The following SCYL3 variants were observed in gnomAD, a reference collection of about 807,000 sequenced individuals.
SCYL3 encodes the protein SCY1 like pseudokinase 3.
SCYL3 carries 35 observed loss-of-function variants against 73.8 expected under a neutral mutation model. The ratio of observed to expected loss-of-function variants is 0.47; its 90% confidence interval spans 0.36 to 0.63. The LOEUF (loss-of-function observed/expected upper bound fraction) is 0.63, where lower values mean the gene tolerates loss of function less well. SCYL3 is among the 20% of genes least tolerant of loss of function. SCYL3 has a pLI of 0.00. For synonymous variants in SCYL3, 277 were observed against 295.2 expected (o/e 0.94, Z 0.63); for missense variants, 712 against 798.9 (o/e 0.89, Z 1.31).
rs1452655764 is a variant in SCYL3 at position 169,850,270 on chromosome 1, A to C, written c.*3443T>G. 12 of 1,605,628 alleles carry C rather than the reference A, an allele frequency of 7.5e-6. No homozygotes were observed. Among genetic ancestry groups the C allele is most frequent in the Non-Finnish European group, 9.4e-6 (11 of 1,173,888 alleles). ...GTTCATCAATTTTTTAATAGGGAAC[A>C]AATCATGAAGAGATAGTTCCACAGT... is the stretch of plus-strand genomic sequence containing the variant. On this transcript the variant is annotated 3_prime_UTR_variant, in exon 13 of 13. Coordinates refer to ENST00000367771, the MANE Select transcript of SCYL3 (RefSeq NM_020423.7).
intron 6 of SCYL3, 52 bp downstream of exon 6, chr1:169,870,203 T>C (rs1353362176): frequency 6.3e-6 from 8 of 1,276,210 alleles, no homozygotes; most frequent in Non-Finnish European, 1.1e-6. Flanking sequence ...GAATACGTCA[T>C]GGATGATTTT....
intron 8 of SCYL3, among the ~76,000 whole-genome samples, chr1:169,866,135 A>C (rs942926211): frequency 6.6e-6 from 1 of 152,252 alleles, no homozygotes; most frequent in African/African-American, 2.4e-5. Context: ...CACTGAAGTC[A>C]TAATTTTCCC....
At position 169,853,079 on chromosome 1, in the gene SCYL3, T is replaced by TAA. The variant is rs1428162771; in HGVS notation, c.*632_*633dup. On this transcript the variant is annotated 3_prime_UTR_variant, in exon 13 of 13. Transcript: ENST00000367771. ...TCTAACAGATATAAAACAAATTTTG[T>TAA]AAAGTTGAATCTAGTGAAAATAATC... 1 of 1,203,706 alleles carries TAA rather than the reference T, an allele frequency of 8.3e-7. No individual in the cohort carries two copies. Among genetic ancestry groups the TAA allele is most frequent in the Non-Finnish European group, 1.2e-6 (1 of 837,432 alleles). 74.6% of individuals were successfully genotyped at this position (1,203,706 alleles called of 1,614,324 possible). A position where few individuals can be genotyped will look rare whatever the true frequency, so the allele number is the denominator to read the frequency against.
At chr1:169,864,601 TCTATCAAAG>T in intron 8 of SCYL3, 93 bp from the exon 9 acceptor site, 4 of 1,249,724 alleles carry the variant, frequency 3.2e-6, no homozygotes, top group Admixed American at 2.7e-5. Flanking sequence ...CTCTCTCACT[TCTATCAAAG>T]TGATGCATTT....
chr1:169,875,802 C>T (rs188320237), intron 4 of SCYL3, among the ~76,000 whole-genome samples, 176 bp downstream of exon 4: 52 of 152,296 alleles, frequency 3.4e-4, no homozygotes, highest in Admixed American at 9.8e-4. Context: ...GATACATGAC[C>T]CCCACTGCCT....
intron 7 of SCYL3, among the ~76,000 whole-genome samples, chr1:169,867,531 GTA>G (rs920259800): frequency 1.3e-5 from 2 of 152,166 alleles, no homozygotes; most frequent in African/African-American, 4.8e-5. Context: ...ACACCCTACT[GTA>G]TATGAGACTG....
intron 10 of SCYL3, among the ~76,000 whole-genome samples, chr1:169,860,316 G>A (rs576005819): frequency 2.0e-5 from 3 of 152,328 alleles, no homozygotes; most frequent in South Asian, 2.1e-4. Context: ...CACCTTAGAA[G>A]ACAGTCACAT....
intron 3 of SCYL3, 38 bp from the exon 4 acceptor site, chr1:169,876,129 C>G: frequency 8.3e-7 from 1 of 1,202,576 alleles, no homozygotes; most frequent in Non-Finnish European, 1.2e-6. Flanking sequence ...AGTGCCACTC[C>G]AGGATCTGAA....
chr1:169,883,372 G>A (rs73026223), intron 2 of SCYL3, among the ~76,000 whole-genome samples: 39,700 of 152,128 alleles, frequency 0.26, 5,623 homozygotes, highest in Middle Eastern at 0.37. Flanking sequence ...TGCAGCCTAG[G>A]GGTTGGGGAC....
chr1:169,877,918 A>G (rs1003221188), intron 3 of SCYL3, among the ~76,000 whole-genome samples: 1 of 152,258 alleles, frequency 6.6e-6, no homozygotes, highest in African/African-American at 2.4e-5. Flanking sequence ...AAATTTAAAA[A>G]CATACATAAA....
chr1:169,875,939 A>C (rs1029279557), intron 4 of SCYL3, 39 bp downstream of exon 4: 1 of 1,403,122 alleles, frequency 7.1e-7, no homozygotes, highest in Non-Finnish European at 9.9e-7. Context: ...AGACGCTATT[A>C]AAAACCAAGT....
Position 169,869,064 on chromosome 1 carries a change from T to G in SCYL3, c.626-25A>C, listed in dbSNP as rs376501714. The G allele has an allele frequency of 1.3e-5, 20 of 1,567,400 alleles. No homozygotes were observed. The African/African-American group carries it at 2.4e-4, about 19-fold the overall frequency. ...ACTGAAATCCAGAGCTACAGTTAGT[T>G]TCCAATGCCTTCTCCCTCTTTTCAG... On this transcript the variant is annotated intron_variant, in intron 6 of 12. Coordinates refer to ENST00000367771, the MANE Select transcript of SCYL3 (RefSeq NM_020423.7).
intron 11 of SCYL3, among the ~76,000 whole-genome samples, chr1:169,857,508 A>G (rs1442875455): frequency 2.0e-5 from 3 of 152,250 alleles, no homozygotes; most frequent in Non-Finnish European, 2.9e-5. Context: ...ATACACGTGT[A>G]AAGATATTCA....
In SCYL3 at chr1:169,875,980, C is replaced by T; in HGVS notation, c.463G>A (p.Glu155Lys). The T allele has an allele frequency of 6.2e-7, 1 of 1,602,856 alleles. No individual in the cohort carries two copies. The highest frequency in any genetic ancestry group is 1.7e-4 in the Middle Eastern group (1 of 6,014). ...TVCKVSQATP[E>K]FLRSIQSIRD... Reference sequence around the variant, plus strand: ...AGGGGGGCTGTCCCCTGGCTTACCTCTGGTGTGGCCTGAGAAACTTTACAA... The same window carrying T: ...AGGGGGGCTGTCCCCTGGCTTACCTTTGGTGTGGCCTGAGAAACTTTACAA... The change falls in exon 4 of 13, where the codon GAG becomes AAG. Residue 155 changes from glutamate (E) to lysine (K), a missense_variant and splice_region_variant. This residue lies in a region of SCYL3 where 342 missense variants were observed against 448.1 expected (regional missense o/e 0.76). Transcript: ENST00000367771.
chr1:169,855,891 G>C (rs1659096486), intron 11 of SCYL3: 13 of 1,613,960 alleles, frequency 8.1e-6, no homozygotes, highest in Non-Finnish European at 9.3e-6. Context: ...GAATATGCTA[G>C]AGAAGGGGTT....
chr1:169,849,706 C>G lies in SCYL3; in HGVS notation c.*4007G>C. 2 of 882,206 alleles carry G rather than the reference C, an allele frequency of 2.3e-6. No individual in the cohort carries two copies. Among genetic ancestry groups the G allele is most frequent in the Middle Eastern group, 2.6e-4 (1 of 3,824 alleles). 54.6% of individuals were successfully genotyped at this position (882,206 alleles called of 1,614,324 possible). A position where few individuals can be genotyped will look rare whatever the true frequency, so the allele number is the denominator to read the frequency against. Reference sequence around the variant, plus strand: ...CATTTATTGAACTGCTTCTGTATTGCAATCGGAAAATTGTCTGAAGGGTAC... The same window carrying G: ...CATTTATTGAACTGCTTCTGTATTGGAATCGGAAAATTGTCTGAAGGGTAC... On this transcript the variant is annotated 3_prime_UTR_variant, in exon 13 of 13. Coordinates refer to ENST00000367771, the MANE Select transcript of SCYL3 (RefSeq NM_020423.7).
intron 11 of SCYL3, among the ~76,000 whole-genome samples, 165 bp downstream of exon 11, chr1:169,858,876 G>A (rs1659407961): frequency 6.6e-6 from 1 of 150,804 alleles, no homozygotes; most frequent in South Asian, 2.1e-4. Flanking sequence ...AGTATGAAAG[G>A]ATTCCCACTG....
Position 169,851,804 on chromosome 1 carries a change from T to G in SCYL3, c.*1909A>C. 1.2e-6 allele frequency: 2 copies of G among 1,611,200 alleles called. No individual in the cohort carries two copies. The highest frequency in any genetic ancestry group is 1.7e-6 in the Non-Finnish European group (2 of 1,178,588). ...ATGTTGCTATTTGCTTGGTTTTTCA[T>G]GGTCCCTGGCAGACTGGGTTTGTAG... On this transcript the variant is annotated 3_prime_UTR_variant, in exon 13 of 13. Transcript: ENST00000367771.
intron 10 of SCYL3, chr1:169,859,963 G>C (rs1321185541): frequency 1.3e-5 from 2 of 152,278 alleles, no homozygotes; most frequent in Non-Finnish European, 2.9e-5. Flanking sequence ...AATGGAGCAG[G>C]TCAAACTCCT....
Sources: gnomAD v4.1 joint callset for allele counts (sites outside exome capture counted in the v4.1 genomes callset) on GRCh38, gnomAD v4.1.1 for gene constraint, gnomAD v4.1.1 regional missense constraint, MANE v1.5 for transcripts, NCBI Gene and HGNC (gene_info 2026-07-23, HGNC 2026-07-21) for gene names.